The following AOPEP variants were observed in gnomAD, a reference collection of about 807,000 sequenced individuals.
AOPEP encodes the protein aminopeptidase O.
AOPEP carries 77 observed loss-of-function variants against 98.1 expected under a neutral mutation model. The ratio of observed to expected loss-of-function variants is 0.78; its 90% CI spans 0.65 to 0.95. The LOEUF (loss-of-function observed/expected upper bound fraction) is 0.95, where lower values mean the gene tolerates loss of function less well. Among genes scored for constraint, AOPEP ranks in the 40% least tolerant of loss-of-function variants. AOPEP has a pLI of 0.00. For synonymous variants in AOPEP, 346 were observed against 365.3 expected, an observed-to-expected ratio of 0.95 and a Z score of 0.60; for missense variants, 1,024 against 1,024.7, an observed-to-expected ratio of 1.00 and a Z score of 0.01.
At chr9:95,092,589 G>A in the AOPEP span, among the ~76,000 whole-genome samples, 3 of 152,184 alleles carry the variant, frequency 2.0e-5, no homozygotes, top group Non-Finnish European at 2.9e-5. Context: ...TGCTCCTTCT[G>A]CCTGTAATTT....
Position 94,760,172 on chromosome 9 carries a change from A to T in AOPEP, c.389A>T (p.Tyr130Phe). The T allele has an allele frequency of 1.2e-6, 2 of 1,614,222 alleles. No individual in the cohort carries two copies. The highest frequency in any genetic ancestry group is 1.7e-6 in the Non-Finnish European group (2 of 1,180,040). The change falls in exon 2 of 17, where the codon TAC (tyrosine) becomes TTC (phenylalanine). Residue 130 changes from tyrosine (Y) to phenylalanine (F), a missense_variant. Tyr to Phe is a conservative substitution (Grantham distance 22). Coordinates refer to ENST00000375315, the MANE Select transcript of AOPEP (RefSeq NM_001193329.3). ...GCTTCTGGGATTTCTAGCTCAAAGT[A>T]CTGCTGTGACACAGGGAATCATGGG... is the stretch of plus-strand genomic sequence containing the variant. ...EHASGISSSKYCCDTGNHGSE... is the reference protein window; with the variant it reads ...EHASGISSSKFCCDTGNHGSE...
downstream of AOPEP, among the ~76,000 whole-genome samples, chr9:95,088,921 A>G (rs2070826830): frequency 1.3e-5 from 2 of 152,170 alleles, no homozygotes; most frequent in African/African-American, 4.8e-5. Flanking sequence ...GATTTGACTG[A>G]GGTCCTGCCA....
At chr9:94,841,451 G>GA (rs2042263086) in intron 5 of AOPEP, among the ~76,000 whole-genome samples, 1 of 152,220 alleles carries the variant, frequency 6.6e-6, no homozygotes, top group Non-Finnish European at 1.5e-5. Flanking sequence ...TGGGATTACA[G>GA]ATGTGAGCCA....
intron 5 of AOPEP, among the ~76,000 whole-genome samples, chr9:94,863,810 G>T (rs1326544726): frequency 6.6e-6 from 1 of 152,214 alleles, no homozygotes; most frequent in Non-Finnish European, 1.5e-5. Flanking sequence ...GTAGGCAGCA[G>T]GAAGGAGGAA....
the AOPEP span, among the ~76,000 whole-genome samples, chr9:95,117,642 C>T: frequency 6.6e-6 from 1 of 151,914 alleles, no homozygotes; most frequent in African/African-American, 2.4e-5. Flanking sequence ...AGTTCTACTT[C>T]ACATGAACCC....
intron 1 of AOPEP, among the ~76,000 whole-genome samples, chr9:94,740,459 A>G (rs1252442385): frequency 6.6e-6 from 1 of 152,242 alleles, no homozygotes; most frequent in East Asian, 1.9e-4. Flanking sequence ...CATAAAATAT[A>G]GAAAATAAAA....
chr9:95,069,907 G>A lies in AOPEP; in HGVS notation c.2232+9097G>A, dbSNP rs147394013. Among the ~76,000 whole-genome samples, 612 of 152,358 alleles carry A rather than the reference G, an allele frequency of 4.0e-3. 6 individuals carry two copies. The highest frequency in any genetic ancestry group is 4.9e-3 in the Non-Finnish European group (330 of 68,038). On this transcript the variant is annotated intron_variant, in intron 14 of 16. Coordinates refer to ENST00000375315, the MANE Select transcript of AOPEP (RefSeq NM_001193329.3). ...GTGCTTCATTTGTCCTCTTAACCCT[G>A]TGCCTAGGAATTTACTAACCTGGCT...
At chr9:94,742,497 G>C (rs745587400) in intron 1 of AOPEP, among the ~76,000 whole-genome samples, 2 of 151,610 alleles carry the variant, frequency 1.3e-5, no homozygotes, top group African/African-American at 4.9e-5. Flanking sequence ...GCAGTGGCGC[G>C]ATCCTTGGCT....
chr9:94,877,347 TG>T (rs1159284110), intron 5 of AOPEP, among the ~76,000 whole-genome samples: 1 of 152,164 alleles, frequency 6.6e-6, no homozygotes, highest in Non-Finnish European at 1.5e-5. Flanking sequence ...TGTACTTTTT[TG>T]GGTTCGTTTA....
At chr9:95,074,670 G>A (rs141150707) in intron 14 of AOPEP, among the ~76,000 whole-genome samples, 105 of 152,324 alleles carry the variant, frequency 6.9e-4, no homozygotes, top group Middle Eastern at 3.4e-3. Flanking sequence ...CCTGTGTGTT[G>A]TGCAAAAGTC....
chr9:95,066,707 T>C (rs10121760), intron 14 of AOPEP, among the ~76,000 whole-genome samples: 119,142 of 151,976 alleles, frequency 0.78, 48,198 homozygotes, highest in Non-Finnish European at 0.89. Context: ...CCAGTCTGTA[T>C]AGATTTTCTC....
At chr9:94,988,427 C>A (rs1439232448) in intron 11 of AOPEP, among the ~76,000 whole-genome samples, 2 of 152,106 alleles carry the variant, frequency 1.3e-5, no homozygotes, top group Non-Finnish European at 2.9e-5. Context: ...GGATAAAGGG[C>A]ATTTGAGACA....
chr9:94,815,747 A>G (rs1333693278), intron 5 of AOPEP, among the ~76,000 whole-genome samples: 2 of 152,078 alleles, frequency 1.3e-5, no homozygotes, highest in African/African-American at 4.8e-5. Context: ...TGGGTGAAGC[A>G]TCTCTCTGGA....
chr9:94,851,719 G>C (rs966573412), intron 5 of AOPEP, among the ~76,000 whole-genome samples: 31 of 149,972 alleles, frequency 2.1e-4, no homozygotes, highest in African/African-American at 7.7e-4. Context: ...ATGGCTGTCA[G>C]CTCAGAACAA....
At chr9:94,962,987 G>A (rs188640890) in intron 9 of AOPEP, among the ~76,000 whole-genome samples, 217 of 151,936 alleles carry the variant, frequency 1.4e-3, no homozygotes, top group African/African-American at 5.1e-3. Flanking sequence ...CTCATGATCC[G>A]CCCACCTCAG....
At chr9:95,139,368 C>T in the AOPEP span, among the ~76,000 whole-genome samples, 2 of 152,130 alleles carry the variant, frequency 1.3e-5, no homozygotes, top group Admixed American at 6.5e-5. Context: ...TCATGTGGTG[C>T]CACTGAAGAA....
chr9:95,093,065 A>G, the AOPEP span, among the ~76,000 whole-genome samples: 1 of 152,228 alleles, frequency 6.6e-6, no homozygotes, highest in South Asian at 2.1e-4. Flanking sequence ...ACAAGTGTGC[A>G]TTTATGTTGG....
chr9:95,060,602 ACCCTGGG>A, intron 13 of AOPEP, 85 bp from the exon 14 acceptor site: 1 of 843,254 alleles, frequency 1.2e-6, no homozygotes, highest in East Asian at 2.4e-5. Context: ...CACCCAGGTT[ACCCTGGG>A]TATGTGGTCT....
chr9:94,892,919 C>T (rs947912485), intron 5 of AOPEP, among the ~76,000 whole-genome samples: 2 of 152,168 alleles, frequency 1.3e-5, no homozygotes, highest in African/African-American at 2.4e-5. Context: ...TCTTGAACAC[C>T]TGACCTCAAG....
Sources: allele counts gnomAD v4.1 joint callset (sites outside exome capture counted in the v4.1 genomes callset), GRCh38; gene constraint gnomAD v4.1.1; transcripts MANE v1.5; gene names NCBI Gene and HGNC (gene_info 2026-07-23, HGNC 2026-07-21).